Variants in EYS observed in about 807,000 individuals in gnomAD.
The protein encoded by EYS is EGF-like photoreceptor maintenance factor.
EYS carries 250 observed loss-of-function variants against 282.1 expected under a neutral mutation model. The ratio of observed to expected loss-of-function variants is 0.89; its 90% CI spans 0.80 to 0.98. The LOEUF is 0.98. EYS is among the 50% of genes least tolerant of loss of function. The pLI is 0.00. For synonymous variants in EYS, 1,355 were observed against 1,282.9 expected, an observed-to-expected ratio of 1.06 and a Z score of -1.20; for missense variants, 4,016 against 3,709.0, an observed-to-expected ratio of 1.08 and a Z score of -2.15.
At chr6:65,651,919 C>T (rs1767662102) in intron 1 of EYS, among the ~76,000 whole-genome samples, 1 of 151,860 alleles carries the variant, frequency 6.6e-6, no homozygotes, top group Admixed American at 6.6e-5. Context: ...AACTAATACG[C>T]TAAATTGAGA....
chr6:64,272,750 A>T (rs963384515), intron 30 of EYS, among the ~76,000 whole-genome samples: 4 of 152,110 alleles, frequency 2.6e-5, no homozygotes, highest in African/African-American at 7.2e-5. Context: ...GGGTAGAATA[A>T]ACAGCTTAAT....
chr6:64,584,683 AT>A (rs1474452965), intron 26 of EYS, among the ~76,000 whole-genome samples: 6 of 151,990 alleles, frequency 3.9e-5, no homozygotes, highest in African/African-American at 1.4e-4. Context: ...TATAGTTTTT[AT>A]TTGCAAATTG....
intron 15 of EYS, among the ~76,000 whole-genome samples, chr6:64,937,699 A>G (rs373104550): frequency 1.5e-4 from 23 of 151,656 alleles, no homozygotes; most frequent in African/African-American, 4.6e-4. Flanking sequence ...CAAAAATTAT[A>G]CATTCACTTT....
rs1768400687 is a variant in EYS at position 63,721,693 on chromosome 6, C to T, written c.8338G>A (p.Gly2780Arg). 2 of 1,551,320 alleles carry T rather than the reference C, an allele frequency of 1.3e-6. No individual in the cohort carries two copies. The highest frequency in any genetic ancestry group is 1.7e-6 in the Non-Finnish European group (2 of 1,146,720). Residue 2780 changes from glycine to arginine, a missense_variant, in exon 43 of 43, where the codon GGA becomes AGA. By Grantham distance (125) the Gly-to-Arg change is moderately radical. Coordinates refer to ENST00000503581, the MANE Select transcript of EYS (RefSeq NM_001142800.2). The stretch of plus-strand genomic sequence containing the variant: ...GCTTTTATTATATGCCAAGTACTTC[C>T]GTTTATAGTTACTTTTTGGAGAGTT... ...LETLQKVTINGSTWHIIKAGR... is the reference protein window; with the variant it reads ...LETLQKVTINRSTWHIIKAGR...
At chr6:65,519,575 G>T (rs1767271356) in intron 2 of EYS, among the ~76,000 whole-genome samples, 1 of 146,620 alleles carries the variant, frequency 6.8e-6, no homozygotes, top group African/African-American at 2.5e-5. Flanking sequence ...GAGTGAATAA[G>T]ATATTTTTCA....
chr6:64,643,457 C>T (rs769198421), intron 22 of EYS, among the ~76,000 whole-genome samples: 4 of 152,196 alleles, frequency 2.6e-5, no homozygotes, highest in African/African-American at 9.7e-5. Flanking sequence ...GGTCTATGCT[C>T]TTTGGATGCT....
intron 22 of EYS, among the ~76,000 whole-genome samples, chr6:64,666,779 C>A (rs1230343587): frequency 1.3e-5 from 2 of 152,178 alleles, no homozygotes; most frequent in Non-Finnish European, 2.9e-5. Context: ...TACCAATAAC[C>A]AGTCTGTTTA....
intron 12 of EYS, among the ~76,000 whole-genome samples, chr6:65,107,147 A>G (rs2150186588): frequency 6.6e-6 from 1 of 152,164 alleles, no homozygotes. Context: ...GGCAGAGACT[A>G]TTCACTTTCC....
Position 64,081,836 on chromosome 6 carries a change from G to T in EYS, c.6571+20C>A. On this transcript the variant is annotated intron_variant, in intron 32 of 42. Coordinates refer to ENST00000503581, the MANE Select transcript of EYS (RefSeq NM_001142800.2). ...GAGAAAGAAACATGACATACAAGAA[G>T]TCAAACATTTAATACTCACTGTAAA... 1 of 1,455,574 alleles carries T rather than the reference G, an allele frequency of 6.9e-7. No individual in the cohort carries two copies. The highest frequency in any genetic ancestry group is 9.2e-7 in the Non-Finnish European group (1 of 1,083,464). The allele number at this position is 1,455,574 out of a possible 1,614,324, so 90.2% of individuals were successfully genotyped here. A position where few individuals can be genotyped will look rare whatever the true frequency, so the allele number is the denominator to read the frequency against.
chr6:64,960,562 T>G (rs1002150862), intron 14 of EYS, among the ~76,000 whole-genome samples: 2 of 152,198 alleles, frequency 1.3e-5, no homozygotes, highest in African/African-American at 4.8e-5. Flanking sequence ...AACTTATATC[T>G]ACAATTCTGA....
At chr6:64,018,764 T>C (rs960299342) in intron 33 of EYS, among the ~76,000 whole-genome samples, 2 of 105,064 alleles carry the variant, frequency 1.9e-5, no homozygotes, top group Admixed American at 8.7e-5. Flanking sequence ...CAAGTGTTTT[T>C]TTTTTTTTTT....
intron 7 of EYS, among the ~76,000 whole-genome samples, chr6:65,385,767 C>T (rs1765775238): frequency 6.6e-6 from 1 of 151,918 alleles, no homozygotes; most frequent in African/African-American, 2.4e-5. Flanking sequence ...TTTTACTCTA[C>T]TACTCCACAG....
intron 13 of EYS, among the ~76,000 whole-genome samples, chr6:65,048,207 T>C (rs966220005): frequency 1.3e-5 from 2 of 151,880 alleles, no homozygotes; most frequent in Non-Finnish European, 2.9e-5. Flanking sequence ...TTACCACTTT[T>C]CTACCAAATA....
At chr6:64,452,149 C>T (rs574653865) in intron 26 of EYS, among the ~76,000 whole-genome samples, 1 of 152,296 alleles carries the variant, frequency 6.6e-6, no homozygotes, top group South Asian at 2.1e-4. Context: ...TGATAAGCAA[C>T]TTCAGCAAAG....
At chr6:64,447,644 A>G (rs181145497) in intron 26 of EYS, among the ~76,000 whole-genome samples, 1 of 152,360 alleles carries the variant, frequency 6.6e-6, no homozygotes, top group Non-Finnish European at 1.5e-5. Flanking sequence ...AAAAGTTTAC[A>G]AAACAATCAA....
intron 29 of EYS, among the ~76,000 whole-genome samples, chr6:64,312,435 G>A (rs1346158698): frequency 6.6e-6 from 1 of 152,186 alleles, no homozygotes; most frequent in Non-Finnish European, 1.5e-5. Flanking sequence ...CTAGGGGAAA[G>A]GGTGGCTGTG....
rs547183676 is a variant in EYS at position 63,982,338 on chromosome 6, C to T, written c.7055+2045G>A. Among the ~76,000 whole-genome samples, 5 of 151,912 alleles carry T rather than the reference C, an allele frequency of 3.3e-5. No individual in the cohort carries two copies. In the East Asian group the frequency reaches 9.7e-4, roughly 30 times the overall value. On this transcript the variant is annotated intron_variant, in intron 35 of 42. Coordinates refer to ENST00000503581, the MANE Select transcript of EYS (RefSeq NM_001142800.2). Reference sequence around the variant, plus strand: ...CACTGGATTTTCTGCATAAGAATCTCACATTGCAGTAAAGGTATGGGATAG... The same window carrying T: ...CACTGGATTTTCTGCATAAGAATCTTACATTGCAGTAAAGGTATGGGATAG...
chr6:65,581,477 A>C (rs1764868930), intron 2 of EYS, among the ~76,000 whole-genome samples: 1 of 152,156 alleles, frequency 6.6e-6, no homozygotes, highest in Admixed American at 6.6e-5. Flanking sequence ...GGAATGGTCA[A>C]AGTAAAATTT....
intron 2 of EYS, among the ~76,000 whole-genome samples, chr6:65,553,201 T>G (rs1768664180): frequency 1.3e-5 from 2 of 152,162 alleles, no homozygotes; most frequent in Non-Finnish European, 2.9e-5. Flanking sequence ...CATGTCTTAT[T>G]TTTGCCAAGT....
Sources: gnomAD v4.1 joint callset for allele counts (sites outside exome capture counted in the v4.1 genomes callset) on GRCh38, gnomAD v4.1.1 for gene constraint, MANE v1.5 for transcripts, NCBI Gene and HGNC (gene_info 2026-07-23, HGNC 2026-07-21) for gene names.